The following FOLH1 variants were observed in gnomAD, a reference collection of about 807,000 sequenced individuals.
The protein encoded by FOLH1 is glutamate carboxypeptidase 2.
FOLH1 carries 54 observed loss-of-function variants against 93.9 expected under a neutral mutation model. The ratio of observed to expected loss-of-function variants is 0.57; its 90% CI spans 0.46 to 0.72. The LOEUF is 0.72. Among genes scored for constraint, FOLH1 ranks in the 30% least tolerant of loss-of-function variants. FOLH1 has a pLI of 0.00. For synonymous variants in FOLH1, 249 were observed against 303.6 expected (o/e 0.82, Z 1.87); for missense variants, 571 against 892.5 (o/e 0.64, Z 4.59).
At position 49,161,397 on chromosome 11, in the gene FOLH1, T is replaced by G. The variant is rs180779940; in HGVS notation, c.1440+3308A>C. On this transcript the variant is annotated intron_variant, in intron 13 of 18. Coordinates refer to ENST00000256999, the MANE Select transcript of FOLH1 (RefSeq NM_004476.3). ...TTACGTGATGCCCTTCTTTGTCTTT[T>G]TTTTTATCTTTGTTGGTTTAAAGTC... is the stretch of plus-strand genomic sequence containing the variant. Among the ~76,000 whole-genome samples, 535 of 152,306 alleles carry G rather than the reference T, an allele frequency of 3.5e-3. 1 individual carries two copies. The highest frequency in any genetic ancestry group is 0.028 in the South Asian group (136 of 4,816).
intron 13 of FOLH1, among the ~76,000 whole-genome samples, chr11:49,161,371 G>A (rs565208245): frequency 7.9e-5 from 12 of 152,104 alleles, no homozygotes; most frequent in African/African-American, 1.4e-4. Flanking sequence ...ATCCTTTACC[G>A]TTACGTGATG....
intron 17 of FOLH1, among the ~76,000 whole-genome samples, chr11:49,149,228 T>C (rs921388787): frequency 4.6e-5 from 7 of 152,066 alleles, no homozygotes; most frequent in Non-Finnish European, 8.8e-5. Flanking sequence ...TAAATTGATC[T>C]CTCGGTATAA....
chr11:49,195,650 G>T (rs1217203061), intron 3 of FOLH1, among the ~76,000 whole-genome samples: 1 of 151,474 alleles, frequency 6.6e-6, no homozygotes, highest in Admixed American at 6.6e-5. Context: ...TAGTAAATTT[G>T]ACATATCCCT....
intron 7 of FOLH1, among the ~76,000 whole-genome samples, chr11:49,179,737 A>G (rs1249322776): frequency 6.6e-6 from 1 of 152,228 alleles, no homozygotes; most frequent in Non-Finnish European, 1.5e-5. Flanking sequence ...AAAGGAAATT[A>G]CAAAGATTGA....
chr11:49,177,181 T>C (rs1860156891), intron 7 of FOLH1, among the ~76,000 whole-genome samples: 1 of 152,250 alleles, frequency 6.6e-6, no homozygotes, highest in South Asian at 2.1e-4. Flanking sequence ...ACATCTCGTT[T>C]TAAAATGCTC....
intron 13 of FOLH1, among the ~76,000 whole-genome samples, chr11:49,160,064 C>A (rs533010838): frequency 5.3e-5 from 8 of 152,074 alleles, no homozygotes; most frequent in African/African-American, 1.7e-4. Flanking sequence ...AGGCACCTGC[C>A]ACCACACCCA....
Position 49,165,917 on chromosome 11 carries a change from G to C in FOLH1, c.1373-1145C>G, listed in dbSNP as rs141140755. On this transcript the variant is annotated intron_variant, in intron 12 of 18. Transcript: ENST00000256999. Reference sequence around the variant, plus strand: ...ATAAGAGTGGAAATTGGGGAGTGGAGTAGTTTGGCAGCATTTATTACAATT... The same window carrying C: ...ATAAGAGTGGAAATTGGGGAGTGGACTAGTTTGGCAGCATTTATTACAATT... Among the ~76,000 whole-genome samples, 271 of 152,308 alleles carry C rather than the reference G, an allele frequency of 1.8e-3. 1 individual carries two copies. The highest frequency in any genetic ancestry group is 6.1e-3 in the African/African-American group (253 of 41,574).
chr11:49,184,188 T>A (rs1861114161), intron 6 of FOLH1, among the ~76,000 whole-genome samples: 1 of 152,172 alleles, frequency 6.6e-6, no homozygotes, highest in South Asian at 2.1e-4. Flanking sequence ...TGTTTTCAAA[T>A]TCTTTAGAAT....
chr11:49,200,699 G>C (rs1343722099), intron 2 of FOLH1, among the ~76,000 whole-genome samples: 1 of 151,994 alleles, frequency 6.6e-6, no homozygotes, highest in South Asian at 2.1e-4. Flanking sequence ...CTATAACCTC[G>C]TATGGTAGAT....
In FOLH1 at chr11:49,159,906, C is replaced by CT. The variant is rs71454046; in HGVS notation, c.1441-1864dup. Among the ~76,000 whole-genome samples the CT allele has an allele frequency of 6.8e-3, 979 of 144,422 alleles. 11 individuals carry two copies. Among genetic ancestry groups the CT allele is most frequent in the African/African-American group, 0.022 (863 of 39,442 alleles). 94.7% of individuals were successfully genotyped at this position (144,422 alleles called of 152,430 possible). A position where few individuals can be genotyped will look rare whatever the true frequency, so the allele number is the denominator to read the frequency against. ...TATCCTTTTTTTTCTTTTTCCTTTT[C>CT]TTTTTTTTTTTCTGTTTTTGTTTTG... is the stretch of plus-strand genomic sequence containing the variant. On this transcript the variant is annotated intron_variant, in intron 13 of 18. Coordinates refer to ENST00000256999, the MANE Select transcript of FOLH1 (RefSeq NM_004476.3).
chr11:49,191,482 G>C (rs1466025924), intron 4 of FOLH1, among the ~76,000 whole-genome samples: 1 of 152,158 alleles, frequency 6.6e-6, no homozygotes, highest in Non-Finnish European at 1.5e-5. Flanking sequence ...TTTAGCCATT[G>C]ATCTGGAAGA....
chr11:49,198,568 A>G lies in FOLH1; in HGVS notation c.411+1687T>C, dbSNP rs544319006. On this transcript the variant is annotated intron_variant, in intron 3 of 18. Coordinates refer to ENST00000256999, the MANE Select transcript of FOLH1 (RefSeq NM_004476.3). ...AGACAATTCTCAAATTTGATAGATC[A>G]AAGAGACGTTTAAGCATATGTATAC... Among the ~76,000 whole-genome samples, 3 of 146,912 alleles carry G rather than the reference A, an allele frequency of 2.0e-5. No individual in the cohort carries two copies. The East Asian group carries it at 5.8e-4, about 29-fold the overall frequency.
intron 4 of FOLH1, among the ~76,000 whole-genome samples, chr11:49,191,277 G>A (rs917435314): frequency 2.6e-5 from 4 of 152,212 alleles, no homozygotes; most frequent in African/African-American, 9.6e-5. Context: ...CTCCTAGAGT[G>A]CTGGGATTAC....
In FOLH1 at chr11:49,146,445, A is replaced by T. The variant is rs904867278; in HGVS notation, c.*311T>A. 2.0e-5 allele frequency among the ~76,000 whole-genome samples: 3 copies of T among 152,258 alleles called. No homozygotes were observed. The highest frequency in any genetic ancestry group is 2.0e-4 in the Admixed American group (3 of 15,288). On this transcript the variant is annotated 3_prime_UTR_variant, in exon 19 of 19. Coordinates refer to ENST00000256999, the MANE Select transcript of FOLH1 (RefSeq NM_004476.3). The stretch of plus-strand genomic sequence containing the variant: ...GTTTTCTTCTGTGTGAAGTGACATG[A>T]ATAGATTAGACTTGATTCCCTGATA...
At chr11:49,149,111 T>TGGG (rs1450869312) in intron 17 of FOLH1, among the ~76,000 whole-genome samples, 2 of 146,934 alleles carry the variant, frequency 1.4e-5, no homozygotes, top group Non-Finnish European at 3.0e-5. Context: ...GGGCCTGTCG[T>TGGG]GGGGTGGGGT....
chr11:49,182,804 T>C (rs1860924824), intron 7 of FOLH1, among the ~76,000 whole-genome samples: 1 of 152,140 alleles, frequency 6.6e-6, no homozygotes, highest in Admixed American at 6.5e-5. Context: ...CCTGCAGTAG[T>C]ATCCTTGCCA....
At chr11:49,206,725 A>T in intron 1 of FOLH1, 1 of 1,527,326 alleles carries the variant, frequency 6.5e-7, no homozygotes, top group South Asian at 1.2e-5. Flanking sequence ...GTTTCCAGTG[A>T]AGTAGGCGTG....
At position 49,154,254 on chromosome 11, in the gene FOLH1, T is replaced by C; in HGVS notation, c.1862A>G (p.Glu621Gly). The C allele has an allele frequency of 6.2e-7, 1 of 1,613,478 alleles. No homozygotes were observed. The highest frequency in any genetic ancestry group is 8.5e-7 in the Non-Finnish European group (1 of 1,179,554). ...AAATGATACACTGTATGTCTTCATT[T>C]CCTGTGGATGTTTCATAGAAATACT... ...IYSISMKHPQ[E>G]MKTYSVSFDS... Residue 621 changes from glutamate (E) to glycine (G), a missense_variant, in exon 16 of 19, where the codon GAA becomes GGA. By Grantham distance (98) the Glu-to-Gly change is moderately conservative. Coordinates refer to ENST00000256999, the MANE Select transcript of FOLH1 (RefSeq NM_004476.3).
chr11:49,187,272 A>T (rs1415677774), intron 4 of FOLH1, among the ~76,000 whole-genome samples: 2 of 152,202 alleles, frequency 1.3e-5, no homozygotes, highest in Non-Finnish European at 2.9e-5. Context: ...TGCAAATCTT[A>T]TAACATATTT....
Sources: gnomAD v4.1 joint callset for allele counts (sites outside exome capture counted in the v4.1 genomes callset) on GRCh38, gnomAD v4.1.1 for gene constraint, MANE v1.5 for transcripts, NCBI Gene and HGNC (gene_info 2026-07-23, HGNC 2026-07-21) for gene names.